USP9X: variants seen among roughly 807,000 people sequenced by gnomAD.
USP9X encodes ubiquitin carboxyl-terminal hydrolase 9X.
A neutral mutation model predicts 190.3 loss-of-function variants in USP9X; 7 were observed. The observed-to-expected ratio is 0.04, with a 90% CI of 0.02 to 0.07. The LOEUF is 0.07. USP9X is among the 10% of genes least tolerant of loss of function. The pLI is 1.00. For missense variants in USP9X, 1,010 were observed against 1,916.9 expected (o/e 0.53, Z 8.83); for synonymous variants, 645 against 659.5 (o/e 0.98, Z 0.34).
intron 25 of USP9X, among the ~76,000 whole-genome samples, chrX:41,188,622 A>G (rs922445384): frequency 9.0e-6 from 1 of 111,693 alleles, no homozygotes; most frequent in Non-Finnish European, 1.9e-5. Context: ...CCCTGATGCT[A>G]CATATTTAGA....
At chrX:41,096,938 G>A (rs917385409) in intron 1 of USP9X, among the ~76,000 whole-genome samples, 25 of 112,307 alleles carry the variant, frequency 2.2e-4, no homozygotes, top group African/African-American at 7.4e-4. Flanking sequence ...TCAAGTAAAG[G>A]AAAACAGAGA....
chrX:41,155,534 C>G (rs2062569505), intron 14 of USP9X, among the ~76,000 whole-genome samples: 1 of 111,628 alleles, frequency 9.0e-6, no homozygotes, highest in African/African-American at 3.3e-5. Flanking sequence ...TTTTTCCACT[C>G]TGTTTACTTA....
intron 33 of USP9X, among the ~76,000 whole-genome samples, chrX:41,210,937 CTTCCTTTCCT>C (rs763766414): frequency 4.5e-5 from 5 of 109,962 alleles, no homozygotes; most frequent in Non-Finnish European, 9.5e-5. Context: ...CAGTCTCTTT[CTTCCTTTCCT>C]TTCCTTTCCT....
At chrX:41,136,782 G>A (rs1184270907) in intron 5 of USP9X, 22 bp from the exon 6 acceptor site, 1 of 1,128,399 alleles carries the variant, frequency 8.9e-7, no homozygotes, top group Non-Finnish European at 1.2e-6. Flanking sequence ...CTTGTAAATC[G>A]CCTTTCCCCC....
At chrX:41,169,969 A>C (rs2062710618) in intron 18 of USP9X, 26 bp from the exon 19 acceptor site, 1 of 1,206,141 alleles carries the variant, frequency 8.3e-7, no homozygotes, top group Non-Finnish European at 1.1e-6. Flanking sequence ...GAATATGATG[A>C]TGTCTGTCTT....
At chrX:41,115,988 T>C (rs1477725687) in intron 1 of USP9X, among the ~76,000 whole-genome samples, 1 of 111,692 alleles carries the variant, frequency 9.0e-6, no homozygotes, top group East Asian at 2.8e-4. Flanking sequence ...GCTGGAGAAA[T>C]TCAGTTCTGC....
At chrX:41,092,527 C>T (rs745463505) in intron 1 of USP9X, among the ~76,000 whole-genome samples, 52 of 111,463 alleles carry the variant, frequency 4.7e-4, no homozygotes, top group African/African-American at 1.6e-3. Flanking sequence ...GTTCAGAGCA[C>T]AGGGATCAGT....
intron 39 of USP9X, 67 bp from the exon 40 acceptor site, chrX:41,224,675 G>T: frequency 1.1e-6 from 1 of 941,947 alleles, no homozygotes; most frequent in Non-Finnish European, 1.5e-6. Context: ...TTTCTATCGT[G>T]AAAGTTGTGT....
At chrX:41,207,084 T>TC (rs2147219275) in intron 32 of USP9X, among the ~76,000 whole-genome samples, 1 of 81,005 alleles carries the variant, frequency 1.2e-5, no homozygotes, top group African/African-American at 4.6e-5. Context: ...CTGGCCTTTT[T>TC]TTTTTTTTTT....
rs111649647 is a variant in USP9X, at chrX:41,206,778, AT to A, written c.5015+1296del. 4.0e-3 allele frequency among the ~76,000 whole-genome samples: 419 copies of A among 105,433 alleles called. 1 individual carries two copies. The highest frequency in any genetic ancestry group is 0.013 in the African/African-American group (384 of 29,171). 91.6% of individuals were successfully genotyped at this position (105,433 alleles called of 115,157 possible). A position where few individuals can be genotyped will look rare whatever the true frequency, so the allele number is the denominator to read the frequency against. On this transcript the variant is annotated intron_variant, in intron 32 of 44. Transcript: ENST00000378308. ...TTATTATTATTATTATATATATACAATTTTTTTTTTTCCCCTGAGATGGAGT... is the reference window on the plus strand; with the variant it reads ...TTATTATTATTATTATATATATACAATTTTTTTTTTCCCCTGAGATGGAGT...
chrX:41,111,843 GA>G (rs1449425216), intron 1 of USP9X, among the ~76,000 whole-genome samples: 1 of 80,141 alleles, frequency 1.2e-5, no homozygotes, highest in Non-Finnish European at 2.4e-5. Flanking sequence ...GGTCTTTGAA[GA>G]TTTTTTTTTT....
chrX:41,198,504 G>A (rs1424204306), intron 29 of USP9X, 24 bp from the exon 30 acceptor site: 1 of 1,135,312 alleles, frequency 8.8e-7, no homozygotes, highest in African/African-American at 1.8e-5. Flanking sequence ...TTGCTAATAT[G>A]TAATCCCTTT....
At chrX:41,219,004 G>A in intron 37 of USP9X, 98 bp from the exon 38 acceptor site, 1 of 858,433 alleles carries the variant, frequency 1.2e-6, no homozygotes, top group Non-Finnish European at 1.6e-6. Context: ...TTCCATAAAT[G>A]TATGCCTGTA....
Position 41,232,809 on chromosome X carries a change from TTTTTC to T in USP9X, c.*288_*292del. 1 of 150,922 alleles carries T rather than the reference TTTTTC, an allele frequency of 6.6e-6. No homozygotes were observed. The allele number at this position is 150,922 out of a possible 1,213,427, so 12.4% of individuals were successfully genotyped here. The stretch of plus-strand genomic sequence containing the variant: ...ACTGTTAATTCTTAAGCAAGAAACT[TTTTTC>T]TTGATGAGACTCACAGATCTACACA... On this transcript the variant is annotated 3_prime_UTR_variant, in exon 45 of 45. Transcript: ENST00000378308.
chrX:41,163,640 G>A (rs1478644256), intron 15 of USP9X, among the ~76,000 whole-genome samples: 1 of 108,353 alleles, frequency 9.2e-6, no homozygotes, highest in Non-Finnish European at 1.9e-5. Flanking sequence ...GTAGTCCCGG[G>A]TACTCGGGAG....
intron 9 of USP9X, 111 bp downstream of exon 9, chrX:41,141,542 T>A (rs1038035238): frequency 5.1e-6 from 4 of 788,302 alleles, no homozygotes; most frequent in Non-Finnish European, 6.7e-6. Context: ...TAAACTGAAA[T>A]TGGGAGGTGT....
intron 1 of USP9X, among the ~76,000 whole-genome samples, chrX:41,100,807 C>T (rs944713119): frequency 5.4e-5 from 6 of 110,393 alleles, no homozygotes; most frequent in African/African-American, 1.7e-4. Flanking sequence ...CCACCACGCC[C>T]AGCTAATTTT....
intron 34 of USP9X, among the ~76,000 whole-genome samples, chrX:41,215,048 G>A (rs184632728): frequency 9.0e-6 from 1 of 111,329 alleles, no homozygotes; most frequent in Admixed American, 9.5e-5. Flanking sequence ...CAAAGATACA[G>A]AGCTGATAGA....
rs1465059704 is a variant in USP9X at position 41,224,760 on chromosome X, A to G, written c.6770A>G (p.Asn2257Ser). 2.5e-6 allele frequency: 3 copies of G among 1,210,855 alleles called. No individual in the cohort carries two copies. The highest frequency in any genetic ancestry group is 2.2e-5 in the Admixed American group (1 of 46,023). ...ATTCTAGGTAATCCTCCTCTTCCCA[A>G]TCCTTTTGGTGATCCTAATTTATCA... Reference protein sequence around the residue: ...SSINGNPPLPNPFGDPNLSQP... With the variant: ...SSINGNPPLPSPFGDPNLSQP... Residue 2257 changes from asparagine (N) to serine (S), a missense_variant, in exon 40 of 45, where the codon AAT becomes AGT. Asn to Ser is a conservative substitution (Grantham distance 46). This residue lies in a region of USP9X where 121 missense variants were observed against 281.2 expected (regional missense o/e 0.43). Transcript: ENST00000378308.
Sources: gnomAD v4.1 joint callset for allele counts (sites outside exome capture counted in the v4.1 genomes callset) on GRCh38, gnomAD v4.1.1 for gene constraint, gnomAD v4.1.1 regional missense constraint, MANE v1.5 for transcripts, NCBI Gene and HGNC (gene_info 2026-07-23, HGNC 2026-07-21) for gene names.